Variants in TSHZ2 observed in about 807,000 individuals in gnomAD.
TSHZ2 encodes teashirt zinc finger homeobox 2.
In TSHZ2, 21 loss-of-function variants were observed where a neutral mutation model predicts 74.4. The ratio of observed to expected loss-of-function variants is 0.28; its 90% CI spans 0.20 to 0.41. The LOEUF (loss-of-function observed/expected upper bound fraction) is 0.41. Among genes scored for constraint, TSHZ2 ranks in the 10% least tolerant of loss-of-function variants. The pLI is 1.00. For missense variants in TSHZ2, 1,244 were observed against 1,293.5 expected, an observed-to-expected ratio of 0.96 and a Z score of 0.59; for synonymous variants, 540 against 515.3, an observed-to-expected ratio of 1.05 and a Z score of -0.65.
rs559248823 is a variant in TSHZ2, at chr20:53,005,078, C to T, written c.40+31745C>T. Reference sequence around the variant, plus strand: ...TTGTAATCCCAGCACTTTGGGAGGCCGAGGCCAGAGGATCAGTGAGGTCAG... The same window carrying T: ...TTGTAATCCCAGCACTTTGGGAGGCTGAGGCCAGAGGATCAGTGAGGTCAG... On this transcript the variant is annotated intron_variant, in intron 1 of 2. Coordinates refer to ENST00000371497, the MANE Select transcript of TSHZ2 (RefSeq NM_173485.6). Among the ~76,000 whole-genome samples, 15 of 152,176 alleles carry T rather than the reference C, an allele frequency of 9.9e-5. No individual in the cohort carries two copies. In the South Asian group the frequency reaches 1.0e-3, roughly 11 times the overall value.
At chr20:53,013,985 G>A (rs1456897134) in intron 1 of TSHZ2, among the ~76,000 whole-genome samples, 461 of 152,320 alleles carry the variant, frequency 3.0e-3, no homozygotes, top group African/African-American at 8.8e-3. Context: ...TCGTGGGGAT[G>A]ATATGAAAGT....
chr20:53,470,980 G>T lies in TSHZ2; in HGVS notation c.*9-16164G>T, dbSNP rs146048615. ...TCTGCTTCAACTTCTTTATCTTTGG[G>T]GTACTAATATTTATCCAATATGTTT... On this transcript the variant is annotated intron_variant, in intron 2 of 2. Coordinates refer to ENST00000371497, the MANE Select transcript of TSHZ2 (RefSeq NM_173485.6). Among the ~76,000 whole-genome samples, 19 of 151,978 alleles carry T rather than the reference G, an allele frequency of 1.3e-4. No individual in the cohort carries two copies. In the East Asian group the frequency reaches 3.7e-3, roughly 29 times the overall value.
At chr20:53,051,828 T>C (rs1208070819) in intron 1 of TSHZ2, among the ~76,000 whole-genome samples, 1 of 152,176 alleles carries the variant, frequency 6.6e-6, no homozygotes, top group African/African-American at 2.4e-5. Flanking sequence ...AATTTTTGAT[T>C]TTAATCAAAA....
At chr20:53,082,727 A>C (rs1568750832) in intron 1 of TSHZ2, among the ~76,000 whole-genome samples, 1 of 152,246 alleles carries the variant, frequency 6.6e-6, no homozygotes, top group Non-Finnish European at 1.5e-5. Flanking sequence ...AATGTGAAAG[A>C]ATCTATCTGG....
chr20:53,416,014 C>A (rs1005869461), intron 2 of TSHZ2, among the ~76,000 whole-genome samples: 2 of 152,112 alleles, frequency 1.3e-5, no homozygotes, highest in Non-Finnish European at 2.9e-5. Context: ...GGTCATGGAG[C>A]TAGAAAAGAA....
intron 1 of TSHZ2, among the ~76,000 whole-genome samples, chr20:53,101,769 G>T (rs1044795223): frequency 6.6e-6 from 1 of 152,126 alleles, no homozygotes; most frequent in East Asian, 1.9e-4. Flanking sequence ...CAACATGAAG[G>T]TTCAAATAGT....
At chr20:53,431,985 GTTTT>G (rs1983862125) in intron 2 of TSHZ2, among the ~76,000 whole-genome samples, 1 of 152,108 alleles carries the variant, frequency 6.6e-6, no homozygotes, top group African/African-American at 2.4e-5. Context: ...GAATTTGTGG[GTTTT>G]TTATTTAAAT....
chr20:53,270,239 G>A (rs1169853142), intron 2 of TSHZ2, among the ~76,000 whole-genome samples: 7 of 152,086 alleles, frequency 4.6e-5, no homozygotes, highest in Non-Finnish European at 1.0e-4. Flanking sequence ...CACACACAGA[G>A]CACCCTTGGT....
At chr20:53,158,437 G>T (rs1354844599) in intron 1 of TSHZ2, among the ~76,000 whole-genome samples, 1 of 152,156 alleles carries the variant, frequency 6.6e-6, no homozygotes, top group Non-Finnish European at 1.5e-5. Context: ...GTGGCAGTCG[G>T]TAGTGGCTGT....
chr20:53,021,959 C>T (rs12480864), intron 1 of TSHZ2, among the ~76,000 whole-genome samples: 8,025 of 151,930 alleles, frequency 0.053, 483 homozygotes, highest in South Asian at 0.15. Context: ...TTTCTTCTTC[C>T]AAAAAGAATT....
At chr20:53,321,871 G>A (rs1465232126) in intron 2 of TSHZ2, among the ~76,000 whole-genome samples, 1 of 152,102 alleles carries the variant, frequency 6.6e-6, no homozygotes, top group Non-Finnish European at 1.5e-5. Context: ...GGTCTCAAGA[G>A]AAGGCACAAG....
intron 2 of TSHZ2, among the ~76,000 whole-genome samples, chr20:53,461,311 G>C (rs117966878): frequency 6.6e-6 from 1 of 152,168 alleles, no homozygotes; most frequent in Non-Finnish European, 1.5e-5. Flanking sequence ...TTCCAGGTGC[G>C]TCCGTCACCC....
intron 1 of TSHZ2, chr20:53,179,018 A>G (rs1261142976): frequency 6.6e-6 from 1 of 152,186 alleles, no homozygotes; most frequent in Non-Finnish European, 1.5e-5. Context: ...TTTAAAGGGG[A>G]AAGGGGTCAA....
rs999513308 is a variant in TSHZ2, at chr20:53,069,749, C to T, written c.40+96416C>T. Among the ~76,000 whole-genome samples, 8 of 150,328 alleles carry T rather than the reference C, an allele frequency of 5.3e-5. No homozygotes were observed. The South Asian group carries it at 6.4e-4, about 12-fold the overall frequency. ...TATAACGAGAGGAAAAGCAAAGAGACGCCACTGGATGAGGGGAGCCATTAA... is the reference window on the plus strand; with the variant it reads ...TATAACGAGAGGAAAAGCAAAGAGATGCCACTGGATGAGGGGAGCCATTAA... On this transcript the variant is annotated intron_variant, in intron 1 of 2. Coordinates refer to ENST00000371497, the MANE Select transcript of TSHZ2 (RefSeq NM_173485.6).
chr20:53,252,123 A>G (rs556076233), intron 1 of TSHZ2, among the ~76,000 whole-genome samples: 17 of 152,354 alleles, frequency 1.1e-4, no homozygotes, highest in African/African-American at 1.4e-4. Flanking sequence ...CAATTGCTCA[A>G]TAAATATTCT....
intron 1 of TSHZ2, chr20:53,208,473 C>G (rs1336446735): frequency 6.6e-6 from 1 of 152,142 alleles, no homozygotes; most frequent in Non-Finnish European, 1.5e-5. Context: ...AATGAGGAAG[C>G]TGGAAATCAA....
intron 2 of TSHZ2, among the ~76,000 whole-genome samples, chr20:53,422,540 C>G (rs1051644098): frequency 1.1e-4 from 17 of 152,152 alleles, no homozygotes; most frequent in African/African-American, 4.1e-4. Flanking sequence ...GAACCACCCC[C>G]CTCAGATGCA....
At chr20:53,038,188 G>A (rs569498930) in intron 1 of TSHZ2, among the ~76,000 whole-genome samples, 97 of 84,950 alleles carry the variant, frequency 1.1e-3, no homozygotes, top group African/African-American at 4.5e-3. Context: ...GCGGGATTCC[G>A]TCTCAAAAAA....
chr20:53,065,952 G>A (rs945431852), intron 1 of TSHZ2, among the ~76,000 whole-genome samples: 3 of 152,304 alleles, frequency 2.0e-5, no homozygotes, highest in African/African-American at 7.2e-5. Context: ...GGGGTCATAC[G>A]TGGTTCTCAG....
Sources: allele counts gnomAD v4.1 joint callset (sites outside exome capture counted in the v4.1 genomes callset), GRCh38; gene constraint gnomAD v4.1.1; transcripts MANE v1.5; gene names NCBI Gene and HGNC (gene_info 2026-07-23, HGNC 2026-07-21).